Variants in DLGAP2 observed in about 807,000 individuals in gnomAD.
DLGAP2 encodes DLG associated protein 2, also known as disks large-associated protein 2.
In DLGAP2, 26 loss-of-function variants were observed where a neutral mutation model predicts 100.3. The observed-to-expected ratio is 0.26, with a 90% CI of 0.19 to 0.36. The LOEUF (loss-of-function observed/expected upper bound fraction) is 0.36, where lower values mean the gene tolerates loss of function less well. Among genes scored for constraint, DLGAP2 ranks in the 10% least tolerant of loss-of-function variants. DLGAP2 has a pLI of 1.00. For missense variants in DLGAP2, 1,858 were observed against 1,453.2 expected (o/e 1.28, Z -4.53); for synonymous variants, 886 against 630.1 (o/e 1.41, Z -6.08).
At chr8:1,464,721 A>T (rs1004432918) in intron 3 of DLGAP2, among the ~76,000 whole-genome samples, 2 of 152,210 alleles carry the variant, frequency 1.3e-5, no homozygotes, top group African/African-American at 2.4e-5. Flanking sequence ...CCATGCTGAA[A>T]GTGACCTTGG....
chr8:785,537 C>G (rs7463563), intron 1 of DLGAP2, among the ~76,000 whole-genome samples: 38,418 of 122,704 alleles, frequency 0.31, 8,623 homozygotes, highest in East Asian at 0.52. Context: ...GGCTTCCCTC[C>G]TCCCCTCAGG....
intron 2 of DLGAP2, among the ~76,000 whole-genome samples, chr8:931,050 C>T (rs1344668063): frequency 1.3e-5 from 2 of 151,400 alleles, no homozygotes; most frequent in Non-Finnish European, 2.9e-5. Context: ...AATGATTTCC[C>T]GAGGTGGGGG....
At chr8:746,539 C>T (rs1045735821) in intron 1 of DLGAP2, among the ~76,000 whole-genome samples, 7 of 152,246 alleles carry the variant, frequency 4.6e-5, no homozygotes, top group East Asian at 1.9e-4. Flanking sequence ...GATAGAGGGC[C>T]GTCCACTGTG....
At chr8:1,195,664 C>G (rs1219877148) in intron 2 of DLGAP2, among the ~76,000 whole-genome samples, 1 of 151,948 alleles carries the variant, frequency 6.6e-6, no homozygotes, top group Non-Finnish European at 1.5e-5. Flanking sequence ...GGATTCTCTT[C>G]TTTTTTGTTT....
At chr8:866,856 G>A (rs768615782) in intron 1 of DLGAP2, among the ~76,000 whole-genome samples, 1 of 152,180 alleles carries the variant, frequency 6.6e-6, no homozygotes, top group Admixed American at 6.5e-5. Flanking sequence ...GACTTGTTGG[G>A]AGAAGCTGCT....
At chr8:1,323,604 C>T (rs530652017) in intron 3 of DLGAP2, among the ~76,000 whole-genome samples, 11 of 152,176 alleles carry the variant, frequency 7.2e-5, no homozygotes, top group Admixed American at 1.3e-4. Flanking sequence ...TCCTGCTGTA[C>T]GGGGATGCAG....
chr8:1,104,753 T>A (rs994755487), intron 2 of DLGAP2: 3 of 152,366 alleles, frequency 2.0e-5, no homozygotes, highest in Non-Finnish European at 4.4e-5. Context: ...CCCAGTTTGC[T>A]CCTGTGCCCG....
At chr8:1,226,578 G>C (rs559190612) in intron 2 of DLGAP2, among the ~76,000 whole-genome samples, 19 of 152,236 alleles carry the variant, frequency 1.2e-4, no homozygotes, top group African/African-American at 4.1e-4. Context: ...ATTTCCCTAT[G>C]TAACAAACCT....
chr8:1,288,304 GGT>G (rs1799985618), intron 3 of DLGAP2, among the ~76,000 whole-genome samples: 2 of 139,734 alleles, frequency 1.4e-5, no homozygotes, highest in African/African-American at 2.7e-5. Context: ...GTGTGTGTGT[GGT>G]TGTTAGGAGG....
chr8:1,532,970 A>C (rs1202676904), intron 4 of DLGAP2, among the ~76,000 whole-genome samples: 1 of 152,070 alleles, frequency 6.6e-6, no homozygotes, highest in East Asian at 1.9e-4. Flanking sequence ...TTGGGCTCTG[A>C]GATGCATTCA....
At chr8:1,581,568 G>T (rs904266241) in intron 6 of DLGAP2, among the ~76,000 whole-genome samples, 9 of 136,612 alleles carry the variant, frequency 6.6e-5, no homozygotes, top group African/African-American at 2.5e-4. Context: ...GAAAGATACA[G>T]ACAAAACCCC....
intron 3 of DLGAP2, among the ~76,000 whole-genome samples, chr8:1,332,960 C>T (rs1020215054): frequency 3.3e-5 from 5 of 152,174 alleles, no homozygotes; most frequent in African/African-American, 9.7e-5. Flanking sequence ...CTACTCCCTT[C>T]CACAAGCATG....
chr8:1,417,726 G>GGGGGGCACGGGGAGGCC (rs1796967566), intron 3 of DLGAP2, among the ~76,000 whole-genome samples: 14 of 142,556 alleles, frequency 9.8e-5, no homozygotes, highest in East Asian at 2.3e-4. Context: ...CGAGGCTCCA[G>GGGGGGCACGGGGAGGCC]ACACAGAAGC....
intron 2 of DLGAP2, among the ~76,000 whole-genome samples, chr8:1,253,464 C>A (rs1386621707): frequency 6.6e-6 from 1 of 152,216 alleles, no homozygotes; most frequent in African/African-American, 2.4e-5. Flanking sequence ...GCTGCCTCTC[C>A]AAAAATATGT....
At chr8:1,483,300 C>T (rs1799148731) in intron 3 of DLGAP2, among the ~76,000 whole-genome samples, 2 of 152,168 alleles carry the variant, frequency 1.3e-5, no homozygotes, top group Non-Finnish European at 1.5e-5. Flanking sequence ...CTGCCCCACG[C>T]GTGAGGAAGT....
At chr8:1,366,331 T>C (rs1222887870) in intron 3 of DLGAP2, among the ~76,000 whole-genome samples, 1 of 152,152 alleles carries the variant, frequency 6.6e-6, no homozygotes, top group Non-Finnish European at 1.5e-5. Flanking sequence ...TCTCCTGTTG[T>C]TTAGGAATTC....
rs554359761 is a variant in DLGAP2, at chr8:1,211,922, C to T, written c.74-46929C>T. Among the ~76,000 whole-genome samples the T allele has an allele frequency of 5.9e-5, 9 of 152,288 alleles. No individual in the cohort carries two copies. In the South Asian group the frequency reaches 6.2e-4, roughly 11 times the overall value. On this transcript the variant is annotated intron_variant, in intron 2 of 14. Coordinates refer to ENST00000637795, the MANE Select transcript of DLGAP2 (RefSeq NM_001346810.2). ...AATAAAAATAATAATTTGCTTCCAT[C>T]GCTTTCAGTGCTCCTCGTGCTCCAG...
At chr8:1,382,667 G>A (rs1402676930) in intron 3 of DLGAP2, among the ~76,000 whole-genome samples, 6 of 152,174 alleles carry the variant, frequency 3.9e-5, no homozygotes. Flanking sequence ...GTGTAAGCCT[G>A]GGAGATGGAA....
At chr8:1,211,730 C>G (rs540451295) in intron 2 of DLGAP2, among the ~76,000 whole-genome samples, 1 of 152,278 alleles carries the variant, frequency 6.6e-6, no homozygotes, top group South Asian at 2.1e-4. Context: ...ACAAAATTAG[C>G]CAGGCGTGGT....
Sources: allele counts gnomAD v4.1 joint callset (sites outside exome capture counted in the v4.1 genomes callset), GRCh38; gene constraint gnomAD v4.1.1; transcripts MANE v1.5; gene names NCBI Gene and HGNC (gene_info 2026-07-23, HGNC 2026-07-21).